The following ZFAND3 variants were observed in gnomAD, a reference collection of about 807,000 sequenced individuals.
ZFAND3 encodes zinc finger AN1-type containing 3.
A neutral mutation model predicts 29.6 loss-of-function variants in ZFAND3; 10 were observed. The ratio of observed to expected loss-of-function variants is 0.34; its 90% confidence interval spans 0.21 to 0.57. The LOEUF (loss-of-function observed/expected upper bound fraction) is 0.57, where lower values mean the gene tolerates loss of function less well. ZFAND3 is among the 20% of genes least tolerant of loss of function. The pLI is 0.86. For synonymous variants in ZFAND3, 128 were observed against 112.6 expected (o/e 1.14, Z -0.87); for missense variants, 230 against 304.5 (o/e 0.76, Z 1.82).
intron 1 of ZFAND3, among the ~76,000 whole-genome samples, chr6:37,849,904 T>C (rs964674659): frequency 1.2e-4 from 19 of 152,192 alleles, no homozygotes; most frequent in African/African-American, 4.6e-4. Context: ...TCCTTTCCTT[T>C]AGTTTCACCT....
chr6:37,909,438 C>G (rs1015998082), intron 1 of ZFAND3, among the ~76,000 whole-genome samples: 5 of 151,738 alleles, frequency 3.3e-5, no homozygotes, highest in Non-Finnish European at 7.4e-5. Flanking sequence ...CGCCACCATG[C>G]CCAGCTAATT....
At chr6:38,040,988 A>G (rs1285704808) in intron 2 of ZFAND3, among the ~76,000 whole-genome samples, 1 of 152,052 alleles carries the variant, frequency 6.6e-6, no homozygotes, top group Non-Finnish European at 1.5e-5. Flanking sequence ...ATCAAGTTCT[A>G]ATTCATTTCT....
At chr6:37,821,488 A>C (rs1300754850) in intron 1 of ZFAND3, among the ~76,000 whole-genome samples, 6 of 152,154 alleles carry the variant, frequency 3.9e-5, no homozygotes, top group African/African-American at 1.4e-4. Flanking sequence ...CCATTATCTC[A>C]TTATTAGCTG....
chr6:38,113,750 C>T (rs544385613), intron 4 of ZFAND3, among the ~76,000 whole-genome samples: 18 of 152,274 alleles, frequency 1.2e-4, no homozygotes, highest in African/African-American at 2.9e-4. Flanking sequence ...GACATAGTTA[C>T]CTTATGGATA....
intron 4 of ZFAND3, among the ~76,000 whole-genome samples, chr6:38,103,009 G>A (rs1219129020): frequency 1.3e-5 from 2 of 152,082 alleles, no homozygotes; most frequent in East Asian, 1.9e-4. Flanking sequence ...CACCTGCTGC[G>A]GCTTCCCAAA....
At position 37,840,748 on chromosome 6, in the gene ZFAND3, C is replaced by A. The variant is rs1013383438; in HGVS notation, c.71+20732C>A. Reference sequence around the variant, plus strand: ...TTCATTTATCTGTCTTCAGTTCTTTCAACAACATTTTGTAGTTTTCACTGT... The same window carrying A: ...TTCATTTATCTGTCTTCAGTTCTTTAAACAACATTTTGTAGTTTTCACTGT... On this transcript the variant is annotated intron_variant, in intron 1 of 5. Transcript: ENST00000287218. 3.9e-5 allele frequency among the ~76,000 whole-genome samples: 6 copies of A among 152,304 alleles called. No homozygotes were observed. In the South Asian group the frequency reaches 8.3e-4, roughly 21 times the overall value.
chr6:37,965,409 G>A lies in ZFAND3; in HGVS notation c.112+35410G>A, dbSNP rs115008531. Among the ~76,000 whole-genome samples the A allele has an allele frequency of 3.7e-3, 565 of 152,164 alleles. 4 individuals carry two copies. Among genetic ancestry groups the A allele is most frequent in the Non-Finnish European group, 6.4e-3 (434 of 68,000 alleles). ...ATATATATGCGCACACATGTAATTG[G>A]GGAAAATACCCCAACCATTTCTATA... On this transcript the variant is annotated intron_variant, in intron 2 of 5. Coordinates refer to ENST00000287218, the MANE Select transcript of ZFAND3 (RefSeq NM_021943.3).
intron 3 of ZFAND3, among the ~76,000 whole-genome samples, chr6:38,081,922 G>A (rs912786620): frequency 1.2e-4 from 18 of 152,064 alleles, no homozygotes; most frequent in Non-Finnish European, 1.0e-4. Context: ...GCAGTTTATT[G>A]TTTCTTAAGG....
At chr6:38,127,973 C>G (rs942781267) in intron 5 of ZFAND3, among the ~76,000 whole-genome samples, 2 of 152,176 alleles carry the variant, frequency 1.3e-5, no homozygotes, top group Non-Finnish European at 2.9e-5. Context: ...ACCCACATTT[C>G]TTGGTCTTTC....
At chr6:37,952,929 C>T (rs912915623) in intron 2 of ZFAND3, among the ~76,000 whole-genome samples, 4 of 150,236 alleles carry the variant, frequency 2.7e-5, no homozygotes, top group East Asian at 2.0e-4. Context: ...AAATATTCTT[C>T]CTGGCTATGT....
chr6:38,007,080 A>G (rs1581833792), intron 2 of ZFAND3, among the ~76,000 whole-genome samples: 2 of 152,224 alleles, frequency 1.3e-5, no homozygotes, highest in East Asian at 3.8e-4. Flanking sequence ...AGTGATGGAC[A>G]TACACTTGCC....
chr6:38,046,829 C>G (rs1477780111), intron 2 of ZFAND3, among the ~76,000 whole-genome samples: 1 of 152,110 alleles, frequency 6.6e-6, no homozygotes, highest in East Asian at 1.9e-4. Flanking sequence ...TTTCAGTAAG[C>G]CAGTATCTGC....
At chr6:38,033,062 G>GA (rs887531961) in intron 2 of ZFAND3, among the ~76,000 whole-genome samples, 5 of 151,826 alleles carry the variant, frequency 3.3e-5, no homozygotes, top group East Asian at 1.9e-4. Context: ...GAAACTTACT[G>GA]AAAAAAAATG....
chr6:38,117,737 T>C (rs1765449379), intron 5 of ZFAND3, among the ~76,000 whole-genome samples: 2 of 152,254 alleles, frequency 1.3e-5, no homozygotes, highest in South Asian at 4.1e-4. Flanking sequence ...CTACAAGTAC[T>C]ATTGCTGACA....
At chr6:38,098,061 C>G (rs1013867090) in intron 4 of ZFAND3, among the ~76,000 whole-genome samples, 2 of 152,252 alleles carry the variant, frequency 1.3e-5, no homozygotes, top group African/African-American at 4.8e-5. Context: ...TTTTTCTAGC[C>G]TGGCCCCACC....
chr6:38,107,017 T>C (rs1765224112), intron 4 of ZFAND3, among the ~76,000 whole-genome samples: 1 of 152,178 alleles, frequency 6.6e-6, no homozygotes, highest in Admixed American at 6.5e-5. Context: ...TTTCCTTAGG[T>C]TTAAAATAAG....
At chr6:38,152,005 GGGTCCA>G (rs1766237126) in intron 5 of ZFAND3, among the ~76,000 whole-genome samples, 1 of 152,256 alleles carries the variant, frequency 6.6e-6, no homozygotes, top group Middle Eastern at 3.4e-3. Context: ...TACCCTTCAA[GGGTCCA>G]GGCAGGGACA....
intron 1 of ZFAND3, among the ~76,000 whole-genome samples, chr6:37,894,949 A>G (rs1765171912): frequency 6.6e-6 from 1 of 152,106 alleles, no homozygotes; most frequent in African/African-American, 2.4e-5. Context: ...ACTGGTTTTA[A>G]TTAAGCAGCT....
intron 1 of ZFAND3, among the ~76,000 whole-genome samples, chr6:37,844,921 G>A (rs1434766702): frequency 6.6e-6 from 1 of 151,490 alleles, no homozygotes; most frequent in Non-Finnish European, 1.5e-5. Context: ...CTACATGGGA[G>A]GCTGAGGCAA....
Sources: allele counts gnomAD v4.1 joint callset (sites outside exome capture counted in the v4.1 genomes callset), GRCh38; gene constraint gnomAD v4.1.1; transcripts MANE v1.5; gene names NCBI Gene and HGNC (gene_info 2026-07-23, HGNC 2026-07-21).